Variants in STK17B observed in about 807,000 individuals in gnomAD.
STK17B encodes the protein serine/threonine-protein kinase 17B.
A neutral mutation model predicts 42.0 loss-of-function variants in STK17B; 21 were observed. The ratio of observed to expected loss-of-function variants is 0.50; its 90% CI spans 0.35 to 0.72. STK17B has a LOEUF of 0.72. STK17B is among the 30% of genes least tolerant of loss of function. The pLI, the probability that STK17B is intolerant of heterozygous loss-of-function variation, is 0.00. For missense variants in STK17B, 349 were observed against 446.0 expected (o/e 0.78, Z 1.96); for synonymous variants, 143 against 148.4 (o/e 0.96, Z 0.26).
rs1559405398 is a variant in STK17B, at chr2:196,133,904, G to A, written c.*3543C>T. On this transcript the variant is annotated 3_prime_UTR_variant, in exon 8 of 8. Transcript: ENST00000263955. ...AAATACTTTTATAAAATTATAAATTGATAATAATCCCCCCAAACTGAAGTG... is the reference window on the plus strand; with the variant it reads ...AAATACTTTTATAAAATTATAAATTAATAATAATCCCCCCAAACTGAAGTG... 1 of 152,048 alleles carries A rather than the reference G, an allele frequency of 6.6e-6. No homozygotes were observed. The highest frequency in any genetic ancestry group is 1.9e-4 in the East Asian group (1 of 5,206). 9.4% of individuals were successfully genotyped at this position (152,048 alleles called of 1,614,324 possible).
In STK17B at chr2:196,136,517, C is replaced by G. The variant is rs537165845; in HGVS notation, c.*930G>C. The G allele has an allele frequency of 1.3e-5, 2 of 152,524 alleles. No individual in the cohort carries two copies. Among genetic ancestry groups the G allele is most frequent in the South Asian group, 4.1e-4 (2 of 4,832 alleles). 9.4% of individuals were successfully genotyped at this position (152,524 alleles called of 1,614,324 possible). On this transcript the variant is annotated 3_prime_UTR_variant, in exon 8 of 8. Coordinates refer to ENST00000263955, the MANE Select transcript of STK17B (RefSeq NM_004226.4). ...ATTTTTTATGCATACTTTTAGAACT[C>G]TGAATGACTGGCTTGTATTCTAAGA...
At chr2:196,141,367 G>A (rs558737480) in intron 5 of STK17B, 70 bp from the exon 6 acceptor site, 21 of 1,274,638 alleles carry the variant, frequency 1.6e-5, no homozygotes, top group East Asian at 1.0e-4. Context: ...TTTATATTAC[G>A]TTATAACTGG....
At position 196,142,523 on chromosome 2, in the gene STK17B, C is replaced by A. The variant is rs116186480; in HGVS notation, c.607+1037G>T. 2.1e-3 allele frequency among the ~76,000 whole-genome samples: 326 copies of A among 152,140 alleles called. 1 individual carries two copies. The highest frequency in any genetic ancestry group is 7.4e-3 in the African/African-American group (307 of 41,508). On this transcript the variant is annotated intron_variant, in intron 5 of 7. Transcript: ENST00000263955. ...CCATATTATTTCGAATTAGTACAGT[C>A]CAAACTAGGATTTATGAGTGAAAAA...
At chr2:196,149,163 ATTT>A (rs58482045) in intron 3 of STK17B, among the ~76,000 whole-genome samples, 1 of 143,626 alleles carries the variant, frequency 7.0e-6, no homozygotes, top group African/African-American at 2.6e-5. Context: ...GATAACAGCT[ATTT>A]TTTTTTTTTT....
chr2:196,169,230 A>G (rs533345648), intron 1 of STK17B, among the ~76,000 whole-genome samples: 71 of 151,768 alleles, frequency 4.7e-4, no homozygotes, highest in African/African-American at 1.6e-3. Context: ...CGCGCGCCAC[A>G]ATGCCCGGCT....
chr2:196,144,110 G>A (rs775958261), intron 4 of STK17B, among the ~76,000 whole-genome samples: 1 of 151,698 alleles, frequency 6.6e-6, no homozygotes, highest in Non-Finnish European at 1.5e-5. Flanking sequence ...GGCAGGGGTG[G>A]GAGGATCGTT....
At chr2:196,147,486 T>A (rs1699593200) in intron 3 of STK17B, among the ~76,000 whole-genome samples, 1 of 152,150 alleles carries the variant, frequency 6.6e-6, no homozygotes, top group African/African-American at 2.4e-5. Context: ...GGGCTCAAAT[T>A]TCAGTCCCAA....
upstream of STK17B, among the ~76,000 whole-genome samples, chr2:196,175,756 G>A (rs1699991355): frequency 6.6e-6 from 1 of 152,194 alleles, no homozygotes; most frequent in Admixed American, 6.5e-5. Context: ...GCCACATGTG[G>A]CTACTAAGTT....
upstream of STK17B, among the ~76,000 whole-genome samples, chr2:196,172,200 A>G (rs1200522265): frequency 6.6e-6 from 1 of 152,152 alleles, no homozygotes; most frequent in Non-Finnish European, 1.5e-5. Flanking sequence ...GCACTGACTG[A>G]AGGCAGTGTA....
At chr2:196,174,754 A>C (rs951411884), upstream of STK17B, among the ~76,000 whole-genome samples, 1 of 152,252 alleles carries the variant, frequency 6.6e-6, no homozygotes, top group African/African-American at 2.4e-5. Context: ...CCTACAGCAC[A>C]TTGCAATTTT....
Position 196,133,667 on chromosome 2 carries a change from A to G in STK17B, c.*3780T>C, listed in dbSNP as rs1699354499. 6.6e-6 allele frequency: 1 copy of G among 152,272 alleles called. No homozygotes were observed. The highest frequency in any genetic ancestry group is 2.4e-5 in the African/African-American group (1 of 41,476). The allele number at this position is 152,272 out of a possible 1,614,324, so 9.4% of individuals were successfully genotyped here. A position where few individuals can be genotyped will look rare whatever the true frequency, so the allele number is the denominator to read the frequency against. On this transcript the variant is annotated 3_prime_UTR_variant, in exon 8 of 8. Coordinates refer to ENST00000263955, the MANE Select transcript of STK17B (RefSeq NM_004226.4). The stretch of plus-strand genomic sequence containing the variant: ...GCTAGAACATGCAGACATACTTTTA[A>G]GAACAATAAATTTAGAAATGCTTTG...
chr2:196,146,182 G>T, intron 3 of STK17B, 127 bp from the exon 4 acceptor site: 1 of 1,023,362 alleles, frequency 9.8e-7, no homozygotes, highest in Non-Finnish European at 1.3e-6. Context: ...TAAAAATAGG[G>T]CAGGGAAGTG....
chr2:196,137,241 A>G lies in STK17B; in HGVS notation c.*206T>C. 2.0e-6 allele frequency: 1 copy of G among 502,912 alleles called. No homozygotes were observed. The allele number at this position is 502,912 out of a possible 1,614,324, so 31.2% of individuals were successfully genotyped here. ...TTTACTTTTTGTCATATATTTAAAT[A>G]TTTTCTTATCTGCAGAGCTATCTCA... is the stretch of plus-strand genomic sequence containing the variant. On this transcript the variant is annotated 3_prime_UTR_variant, in exon 8 of 8. Transcript: ENST00000263955.
At chr2:196,174,690 T>A (rs1253400965), upstream of STK17B, among the ~76,000 whole-genome samples, 1 of 152,134 alleles carries the variant, frequency 6.6e-6, no homozygotes, top group Non-Finnish European at 1.5e-5. Flanking sequence ...TCTCTGGAGG[T>A]AGGAATAGTG....
Position 196,150,674 on chromosome 2 carries a change from T to C in STK17B, c.336-4619A>G, listed in dbSNP as rs533415403. Among the ~76,000 whole-genome samples, 473 of 152,358 alleles carry C rather than the reference T, an allele frequency of 3.1e-3. 3 individuals carry two copies. Among genetic ancestry groups the C allele is most frequent in the African/African-American group, 0.011 (453 of 41,592 alleles). On this transcript the variant is annotated intron_variant, in intron 3 of 7. Transcript: ENST00000263955. ...TACCCATAAAATGCAAATCTAGTCATATAGCTTTGAAAAGCCATGGTAAAG... is the reference window on the plus strand; with the variant it reads ...TACCCATAAAATGCAAATCTAGTCACATAGCTTTGAAAAGCCATGGTAAAG...
upstream of STK17B, among the ~76,000 whole-genome samples, chr2:196,171,818 C>T (rs1427465603): frequency 6.7e-6 from 1 of 149,626 alleles, no homozygotes; most frequent in Non-Finnish European, 1.5e-5. Context: ...ACTCGGGCTG[C>T]CGCGAGGGAG....
intron 1 of STK17B, among the ~76,000 whole-genome samples, chr2:196,168,889 G>A (rs1559417549): frequency 6.6e-6 from 1 of 152,030 alleles, no homozygotes; most frequent in Admixed American, 6.5e-5. Flanking sequence ...ACTGAATTTT[G>A]TCATCAATAT....
chr2:196,171,941 G>C (rs532172978), upstream of STK17B, among the ~76,000 whole-genome samples: 12 of 152,182 alleles, frequency 7.9e-5, no homozygotes, highest in African/African-American at 2.7e-4. Context: ...TCCGGAGACC[G>C]GGGAGAAGGA....
At chr2:196,143,941 G>A (rs943041574) in intron 4 of STK17B, among the ~76,000 whole-genome samples, 1 of 152,150 alleles carries the variant, frequency 6.6e-6, no homozygotes, top group Non-Finnish European at 1.5e-5. Context: ...AGAATACTCA[G>A]TAATAAAAAG....
Sources: allele counts gnomAD v4.1 joint callset (sites outside exome capture counted in the v4.1 genomes callset), GRCh38; gene constraint gnomAD v4.1.1; transcripts MANE v1.5; gene names NCBI Gene and HGNC (gene_info 2026-07-23, HGNC 2026-07-21).